RIMOC1: variants seen among roughly 807,000 people sequenced by gnomAD.
The protein encoded by RIMOC1 is RAB7A-interacting MON1-CCZ1 complex subunit 1.
the RIMOC1 span, chr5:41,908,325 C>T: frequency 6.5e-6 from 1 of 153,012 alleles, no homozygotes; most frequent in South Asian, 2.0e-4. Context: ...GTGTGGACAA[C>T]ACCTTTTTTT....
the RIMOC1 span, chr5:41,916,978 T>A: frequency 6.6e-7 from 1 of 1,513,722 alleles, no homozygotes; most frequent in Non-Finnish European, 8.9e-7. Flanking sequence ...CTTTTTAAGC[T>A]TTTAATTCTA....
At chr5:41,918,342 T>G in the RIMOC1 span, 3 of 985,676 alleles carry the variant, frequency 3.0e-6, no homozygotes, top group African/African-American at 5.2e-5. Flanking sequence ...TATTGACTTT[T>G]CTCTCCTTTA....
chr5:41,907,279 G>A, the RIMOC1 span, among the ~76,000 whole-genome samples: 11,867 of 152,206 alleles, frequency 0.078, 647 homozygotes, highest in African/African-American at 0.15. Context: ...CTGGCATTTT[G>A]TAAGGAATTT....
chr5:41,904,713 C>A, the RIMOC1 span, among the ~76,000 whole-genome samples: 10 of 152,126 alleles, frequency 6.6e-5, no homozygotes, highest in South Asian at 2.1e-4. Context: ...CTGTCTAGAT[C>A]CGTGCTGGTG....
At chr5:41,907,192 A>G in the RIMOC1 span, among the ~76,000 whole-genome samples, 2 of 152,178 alleles carry the variant, frequency 1.3e-5, no homozygotes, top group Admixed American at 1.3e-4. Context: ...CTAAGTTTTT[A>G]AAGGAATTAA....
chr5:41,917,539 T>C, the RIMOC1 span: 1 of 1,172,828 alleles, frequency 8.5e-7, no homozygotes, highest in African/African-American at 1.6e-5. Flanking sequence ...AAAATACAGA[T>C]GTTATGTCAC....
At chr5:41,914,499 A>ACAAAC in the RIMOC1 span, among the ~76,000 whole-genome samples, 2 of 129,268 alleles carry the variant, frequency 1.5e-5, no homozygotes, top group Non-Finnish European at 3.5e-5. Context: ...ACAAAACAAA[A>ACAAAC]CAAACATAAG....
chr5:41,918,164 T>C, the RIMOC1 span: 2 of 985,858 alleles, frequency 2.0e-6, no homozygotes, highest in South Asian at 9.4e-5. Context: ...TTGGATGATC[T>C]TTCTGATACC....
At chr5:41,910,015 G>A in the RIMOC1 span, 1 of 761,362 alleles carries the variant, frequency 1.3e-6, no homozygotes, top group Non-Finnish European at 2.0e-6. Flanking sequence ...ATTGGAAGAG[G>A]GAGATAAAAG....
At chr5:41,907,672 GT>G in the RIMOC1 span, 3 of 944,554 alleles carry the variant, frequency 3.2e-6, no homozygotes, top group Non-Finnish European at 4.9e-6. Flanking sequence ...TACATAATGT[GT>G]TTTTTGTTTA....
chr5:41,914,636 G>A, the RIMOC1 span, among the ~76,000 whole-genome samples: 6 of 152,080 alleles, frequency 3.9e-5, no homozygotes, highest in South Asian at 1.0e-3. Context: ...CAGGCGTGGT[G>A]GTGCATGACT....
At chr5:41,919,086 G>A in the RIMOC1 span, 7 of 151,342 alleles carry the variant, frequency 4.6e-5, no homozygotes, top group Non-Finnish European at 1.5e-5. Context: ...AACAGACTGA[G>A]TCTCAAACCT....
At chr5:41,908,181 T>A in the RIMOC1 span, 1 of 150,906 alleles carries the variant, frequency 6.6e-6, no homozygotes. Context: ...GGGCCCTGAC[T>A]TTTTTTTTTT....
At chr5:41,910,585 CAG>C in the RIMOC1 span, among the ~76,000 whole-genome samples, 1 of 151,728 alleles carries the variant, frequency 6.6e-6, no homozygotes, top group Non-Finnish European at 1.5e-5. Flanking sequence ...ATTTATTTAT[CAG>C]GGGAGGCTGT....
At chr5:41,915,616 G>A in the RIMOC1 span, among the ~76,000 whole-genome samples, 1 of 152,108 alleles carries the variant, frequency 6.6e-6, no homozygotes, top group East Asian at 1.9e-4. Flanking sequence ...CTTACATGGC[G>A]GTGGCAAGAG....
chr5:41,904,477 CGGA>C, the RIMOC1 span: 1 of 1,612,258 alleles, frequency 6.2e-7, no homozygotes, highest in African/African-American at 1.3e-5. Flanking sequence ...GGTGAGGGAG[CGGA>C]GGAGAGGGAG....
At chr5:41,905,840 A>T in the RIMOC1 span, among the ~76,000 whole-genome samples, 1 of 152,264 alleles carries the variant, frequency 6.6e-6, no homozygotes, top group Non-Finnish European at 1.5e-5. Context: ...GTCATGTGCT[A>T]TATATGGAAT....
the RIMOC1 span, among the ~76,000 whole-genome samples, chr5:41,905,281 G>A: frequency 6.6e-6 from 1 of 152,216 alleles, no homozygotes; most frequent in African/African-American, 2.4e-5. Flanking sequence ...GGTCTATGAT[G>A]AAATGCCTTA....
the RIMOC1 span, chr5:41,909,956 G>C: frequency 6.9e-6 from 9 of 1,309,678 alleles, no homozygotes; most frequent in Admixed American, 2.8e-5. Context: ...CTGCTTTTTG[G>C]AGTCTATATT....
Sources: allele counts gnomAD v4.1 joint callset (sites outside exome capture counted in the v4.1 genomes callset), GRCh38; gene constraint gnomAD v4.1.1; transcripts MANE v1.5; gene names NCBI Gene and HGNC (gene_info 2026-07-23, HGNC 2026-07-21).